The following RHPN2 variants were observed in gnomAD, a reference collection of about 807,000 sequenced individuals.
RHPN2 encodes the protein rhophilin Rho GTPase binding protein 2.
In RHPN2, 40 loss-of-function variants were observed where a neutral mutation model predicts 79.0. The observed-to-expected ratio is 0.51, with a 90% CI of 0.39 to 0.66. The LOEUF is 0.66. Among genes scored for constraint, RHPN2 ranks in the 30% least tolerant of loss-of-function variants. The pLI, the probability that RHPN2 is intolerant of heterozygous loss-of-function variation, is 0.00. For synonymous variants in RHPN2, 285 were observed against 363.5 expected, an observed-to-expected ratio of 0.78 and a Z score of 2.46; for missense variants, 686 against 883.5, an observed-to-expected ratio of 0.78 and a Z score of 2.83.
chr19:33,035,943 T>C (rs977012426), intron 2 of RHPN2, among the ~76,000 whole-genome samples: 1 of 151,870 alleles, frequency 6.6e-6, no homozygotes, highest in African/African-American at 2.4e-5. Context: ...GGTGAAAACC[T>C]ATCTCTACTA....
chr19:33,034,728 C>A (rs1172134141), intron 2 of RHPN2, among the ~76,000 whole-genome samples: 1 of 145,296 alleles, frequency 6.9e-6, no homozygotes, highest in African/African-American at 2.6e-5. Flanking sequence ...CTGTGGTGAG[C>A]CAAGATCATC....
chr19:33,029,334 G>A (rs1971991838), intron 2 of RHPN2, among the ~76,000 whole-genome samples: 1 of 151,728 alleles, frequency 6.6e-6, no homozygotes, highest in African/African-American at 2.4e-5. Flanking sequence ...AGACCATCCT[G>A]GCTGACATAG....
At chr19:33,059,491 G>C (rs746936720) in intron 1 of RHPN2, among the ~76,000 whole-genome samples, 12 of 151,750 alleles carry the variant, frequency 7.9e-5, no homozygotes, top group Non-Finnish European at 1.5e-4. Context: ...GTAGAGACAG[G>C]GTTTCACCGT....
At chr19:32,992,956 C>T (rs907480451) in intron 12 of RHPN2, among the ~76,000 whole-genome samples, 7 of 151,138 alleles carry the variant, frequency 4.6e-5, no homozygotes, top group Non-Finnish European at 1.0e-4. Context: ...CCCATCTCTA[C>T]AAGAAATGAA....
chr19:32,984,733 C>G (rs1971602094), intron 14 of RHPN2, among the ~76,000 whole-genome samples: 1 of 152,114 alleles, frequency 6.6e-6, no homozygotes, highest in Admixed American at 6.5e-5. Flanking sequence ...AAGAGGGTCT[C>G]TTGAGGCTAG....
At chr19:33,004,282 C>T (rs1213058823) in intron 7 of RHPN2, among the ~76,000 whole-genome samples, 4 of 152,124 alleles carry the variant, frequency 2.6e-5, no homozygotes, top group Non-Finnish European at 4.4e-5. Context: ...TCAAGTGATC[C>T]TCCTGACTCA....
chr19:33,046,860 A>ATT (rs57187046), intron 1 of RHPN2, among the ~76,000 whole-genome samples: 28 of 145,334 alleles, frequency 1.9e-4, no homozygotes, highest in African/African-American at 6.7e-4. Context: ...TCCTTTGCCC[A>ATT]TTTTTTTTTT....
At position 33,003,530 on chromosome 19, in the gene RHPN2, G is replaced by A. The variant is rs369568744; in HGVS notation, c.761-530C>T. Among the ~76,000 whole-genome samples the A allele has an allele frequency of 1.2e-4, 18 of 152,072 alleles. No homozygotes were observed. In the South Asian group the frequency reaches 2.7e-3, roughly 23 times the overall value. Reference sequence around the variant, plus strand: ...GGGCTTAAATGACACTTGAACACCCGTGTTAATAGCAACATTATTCACAAG... The same window carrying A: ...GGGCTTAAATGACACTTGAACACCCATGTTAATAGCAACATTATTCACAAG... On this transcript the variant is annotated intron_variant, in intron 7 of 14. Coordinates refer to ENST00000254260, the MANE Select transcript of RHPN2 (RefSeq NM_033103.5).
chr19:32,996,130 A>G lies in RHPN2; in HGVS notation c.1316T>C (p.Leu439Pro). The G allele has an allele frequency of 6.2e-7, 1 of 1,614,136 alleles. No homozygotes were observed. Among genetic ancestry groups the G allele is most frequent in the Non-Finnish European group, 8.5e-7 (1 of 1,179,992 alleles). ...CTGTGCGGCACACAGCACCTTCTGT[A>G]GCACCTCAATGCTCCGCAGCTTCTT... is the stretch of plus-strand genomic sequence containing the variant. ...LCKKLRSIEV[L>P]QKVLCAAQER... is the part of the protein sequence containing the mutation. Residue 439 changes from leucine (L) to proline (P), a missense_variant, in exon 11 of 15, where the codon CTA becomes CCA. Leu to Pro is a moderately conservative substitution (Grantham distance 98, BLOSUM62 -3). Coordinates refer to ENST00000254260, the MANE Select transcript of RHPN2 (RefSeq NM_033103.5).
At chr19:33,012,617 C>G in intron 5 of RHPN2, 30 bp downstream of exon 5, 1 of 1,444,312 alleles carries the variant, frequency 6.9e-7, no homozygotes, top group Non-Finnish European at 9.8e-7. Flanking sequence ...AAAAGCCACC[C>G]TCCCCTCTCT....
chr19:33,036,450 G>A (rs1231822447), intron 2 of RHPN2, among the ~76,000 whole-genome samples: 2 of 152,214 alleles, frequency 1.3e-5, no homozygotes, highest in Non-Finnish European at 2.9e-5. Context: ...GGTCTGCAGT[G>A]GGCTAGTGAG....
chr19:33,038,899 T>C (rs1972079008), intron 2 of RHPN2, among the ~76,000 whole-genome samples: 1 of 152,152 alleles, frequency 6.6e-6, no homozygotes, highest in Non-Finnish European at 1.5e-5. Context: ...CTCAAATGAT[T>C]TGCCCGCTTC....
At chr19:32,981,582 A>G (rs951875285) in intron 14 of RHPN2, among the ~76,000 whole-genome samples, 1 of 151,330 alleles carries the variant, frequency 6.6e-6, no homozygotes, top group Non-Finnish European at 1.5e-5. Context: ...CCTCCATGTT[A>G]TACTTCTAGA....
At chr19:33,061,225 C>CTTTTTT (rs35377340) in intron 1 of RHPN2, among the ~76,000 whole-genome samples, 3 of 120,596 alleles carry the variant, frequency 2.5e-5, no homozygotes, top group Non-Finnish European at 3.3e-5. Context: ...ACCTGCCTTT[C>CTTTTTT]TTTTTTTTTT....
chr19:32,980,938 C>G (rs1016276674), intron 14 of RHPN2, among the ~76,000 whole-genome samples: 1 of 151,922 alleles, frequency 6.6e-6, no homozygotes, highest in South Asian at 2.1e-4. Flanking sequence ...CCCGGGTTCA[C>G]GCCATTCTCC....
chr19:33,062,855 T>C (rs1164976691), intron 1 of RHPN2, among the ~76,000 whole-genome samples: 2 of 152,026 alleles, frequency 1.3e-5, no homozygotes, highest in Non-Finnish European at 2.9e-5. Flanking sequence ...TCTCTTGCCA[T>C]CCACTCTTTC....
chr19:33,005,206 G>C (rs1250672905), intron 7 of RHPN2, among the ~76,000 whole-genome samples: 4 of 151,474 alleles, frequency 2.6e-5, no homozygotes, highest in African/African-American at 9.7e-5. Context: ...CTGAGGTCAG[G>C]AGTTCAAGAC....
At chr19:33,003,879 A>G in intron 7 of RHPN2, among the ~76,000 whole-genome samples, 1 of 152,088 alleles carries the variant, frequency 6.6e-6, no homozygotes. Flanking sequence ...GGATGATGAA[A>G]AAGTTCCGGA....
intron 1 of RHPN2, among the ~76,000 whole-genome samples, chr19:33,062,013 G>C (rs1282568954): frequency 6.6e-6 from 1 of 152,104 alleles, no homozygotes; most frequent in Non-Finnish European, 1.5e-5. Flanking sequence ...GATCAGGAAA[G>C]ATTCAGCATC....
Sources: gnomAD v4.1 joint callset for allele counts (sites outside exome capture counted in the v4.1 genomes callset) on GRCh38, gnomAD v4.1.1 for gene constraint, MANE v1.5 for transcripts, NCBI Gene and HGNC (gene_info 2026-07-23, HGNC 2026-07-21) for gene names.